Variants in ARHGEF11 observed in about 807,000 individuals in gnomAD.
ARHGEF11 encodes Rho guanine nucleotide exchange factor 11, also known as Rho guanine exchange factor (GEF) 11.
In ARHGEF11, 55 loss-of-function variants were observed where a neutral mutation model predicts 193.7. The observed-to-expected ratio is 0.28, with a 90% confidence interval of 0.23 to 0.36. ARHGEF11 has a LOEUF of 0.36. Ranked by LOEUF, ARHGEF11 falls within the 10% of genes least tolerant of loss-of-function variation. The probability of loss-of-function intolerance (pLI) is 1.00; values close to 1 mark genes in which losing one functional copy is unlikely to be tolerated. For synonymous variants in ARHGEF11, 693 were observed against 768.0 expected, an observed-to-expected ratio of 0.90 and a Z score of 1.62; for missense variants, 1,723 against 2,005.6, an observed-to-expected ratio of 0.86 and a Z score of 2.69.
intron 36 of ARHGEF11, 41 bp downstream of exon 36, chr1:156,940,166 C>A (rs777394118): frequency 8.5e-6 from 13 of 1,533,882 alleles, no homozygotes; most frequent in Non-Finnish European, 1.1e-5. Context: ...GGGTGTGCGA[C>A]TGGGGACCAG....
chr1:156,999,810 C>T (rs891804956), intron 1 of ARHGEF11, among the ~76,000 whole-genome samples: 11 of 152,162 alleles, frequency 7.2e-5, no homozygotes, highest in Non-Finnish European at 1.6e-4. Context: ...GTTTCCTCCT[C>T]ACCACATCGT....
At chr1:156,961,895 C>A in intron 13 of ARHGEF11, 120 bp from the exon 14 acceptor site, 1 of 793,374 alleles carries the variant, frequency 1.3e-6, no homozygotes, top group African/African-American at 1.7e-5. Flanking sequence ...TGGGCAAGTG[C>A]GGTGCTACTG....
chr1:157,012,471 T>C (rs1668656538), intron 1 of ARHGEF11, among the ~76,000 whole-genome samples: 1 of 152,232 alleles, frequency 6.6e-6, no homozygotes, highest in Admixed American at 6.5e-5. Context: ...ATGAATTTTA[T>C]GATATGTGCA....
intron 6 of ARHGEF11, among the ~76,000 whole-genome samples, chr1:156,977,580 T>A (rs938797189): frequency 6.6e-6 from 1 of 152,178 alleles, no homozygotes; most frequent in Non-Finnish European, 1.5e-5. Flanking sequence ...GTCTGGCTAA[T>A]TTTTTGTATT....
At chr1:157,032,472 C>G (rs1353269169) in intron 1 of ARHGEF11, among the ~76,000 whole-genome samples, 2 of 152,236 alleles carry the variant, frequency 1.3e-5, no homozygotes, top group Non-Finnish European at 2.9e-5. Context: ...AGCTCAAACA[C>G]ACTGAGTCAG....
chr1:156,946,592 G>A (rs1176537225), intron 28 of ARHGEF11, 70 bp downstream of exon 28: 13 of 1,606,992 alleles, frequency 8.1e-6, no homozygotes, highest in Non-Finnish European at 1.1e-5. Flanking sequence ...GCCAGAAGGA[G>A]AGAAGTTCAG....
chr1:157,013,299 A>ACACACACACACACACACACC (rs534893600), intron 1 of ARHGEF11, among the ~76,000 whole-genome samples: 70 of 148,722 alleles, frequency 4.7e-4, no homozygotes, highest in East Asian at 3.6e-3. Context: ...ACACACACAC[A>ACACACACACACACACACACC]CCAAGAACCT....
intron 1 of ARHGEF11, among the ~76,000 whole-genome samples, chr1:157,007,540 CA>C (rs1394695381): frequency 6.6e-6 from 1 of 151,958 alleles, no homozygotes; most frequent in Non-Finnish European, 1.5e-5. Context: ...GTGTCTGGCA[CA>C]AAACAGAATG....
At chr1:156,941,528 G>A (rs956435845) in intron 34 of ARHGEF11, 95 bp from the exon 35 acceptor site, 24 of 1,368,786 alleles carry the variant, frequency 1.8e-5, no homozygotes, top group East Asian at 4.7e-5. Context: ...CGAGAAGGAC[G>A]GTGTGGGCCT....
intron 15 of ARHGEF11, among the ~76,000 whole-genome samples, 180 bp downstream of exon 15, chr1:156,960,238 G>A (rs1375170829): frequency 2.6e-5 from 4 of 152,126 alleles, no homozygotes; most frequent in Non-Finnish European, 5.9e-5. Flanking sequence ...TGTCCCATTT[G>A]CACCTGTCCG....
intron 1 of ARHGEF11, among the ~76,000 whole-genome samples, 188 bp from the exon 2 acceptor site, chr1:156,986,361 C>T (rs1664919411): frequency 6.6e-6 from 1 of 152,058 alleles, no homozygotes; most frequent in African/African-American, 2.4e-5. Flanking sequence ...TATCTGGAAT[C>T]CTGGGCTGGC....
At chr1:157,043,419 T>C (rs1457021436) in intron 1 of ARHGEF11, among the ~76,000 whole-genome samples, 1 of 152,126 alleles carries the variant, frequency 6.6e-6, no homozygotes, top group Non-Finnish European at 1.5e-5. Context: ...TACAAAGTTG[T>C]ACCAATCATT....
rs142454742 is a variant in ARHGEF11, at chr1:156,986,075, A to AGGTT, written c.124+3_124+6dup. On this transcript the variant is annotated splice_region_variant and intron_variant, in intron 2 of 40. Transcript: ENST00000368194. ...TGTTTTTGTATGTTAATGCCCAAGG[A>AGGTT]GGTTACCTGTTGTCTCAGAGGCATC... 9.4e-4 allele frequency: 1,519 copies of AGGTT among 1,611,538 alleles called. 15 individuals carry two copies. The African/African-American group carries it at 0.018, about 19-fold the overall frequency.
At chr1:157,013,601 G>C (rs1019365475) in intron 1 of ARHGEF11, among the ~76,000 whole-genome samples, 1 of 151,922 alleles carries the variant, frequency 6.6e-6, no homozygotes, top group Non-Finnish European at 1.5e-5. Context: ...ATTTATGGGT[G>C]TCTCTCCTTC....
intron 1 of ARHGEF11, among the ~76,000 whole-genome samples, chr1:156,991,227 T>C (rs1665646025): frequency 6.6e-6 from 1 of 152,216 alleles, no homozygotes; most frequent in African/African-American, 2.4e-5. Flanking sequence ...AGTTCAAGAT[T>C]TTCTTGCAGT....
intron 37 of ARHGEF11, chr1:156,938,905 C>T (rs985894684): frequency 4.8e-5 from 10 of 207,398 alleles, no homozygotes; most frequent in Non-Finnish European, 6.7e-5. Flanking sequence ...CCACTCTTCC[C>T]GGGGTGGGGA....
chr1:157,038,304 G>C (rs1571619359), intron 1 of ARHGEF11, among the ~76,000 whole-genome samples: 3 of 152,112 alleles, frequency 2.0e-5, no homozygotes, highest in African/African-American at 7.2e-5. Context: ...TGGAAAGCAA[G>C]ACTCTGAAAT....
At chr1:157,013,263 T>TA in intron 1 of ARHGEF11, among the ~76,000 whole-genome samples, 1 of 140,708 alleles carries the variant, frequency 7.1e-6, no homozygotes, top group Non-Finnish European at 1.5e-5. Flanking sequence ...CCACTATCAC[T>TA]CACACACACA....
chr1:156,954,127 C>T (rs1659546239), intron 21 of ARHGEF11, among the ~76,000 whole-genome samples: 1 of 151,980 alleles, frequency 6.6e-6, no homozygotes, highest in South Asian at 2.1e-4. Flanking sequence ...TGCCTATAAT[C>T]CCAGCACTCT....
Sources: allele counts gnomAD v4.1 joint callset (sites outside exome capture counted in the v4.1 genomes callset), GRCh38; gene constraint gnomAD v4.1.1; transcripts MANE v1.5; gene names NCBI Gene and HGNC (gene_info 2026-07-23, HGNC 2026-07-21).